TENM2: variants seen among roughly 807,000 people sequenced by gnomAD.
The protein encoded by TENM2 is teneurin transmembrane protein 2, also known as teneurin-2.
In TENM2, 52 loss-of-function variants were observed where a neutral mutation model predicts 245.2. The observed-to-expected ratio is 0.21, with a 90% CI of 0.17 to 0.27. The LOEUF is 0.27. Among genes scored for constraint, TENM2 ranks in the 10% least tolerant of loss-of-function variants. The probability of loss-of-function intolerance (pLI) is 1.00; values close to 1 mark genes in which losing one functional copy is unlikely to be tolerated. For missense variants in TENM2, 3,046 were observed against 3,666.8 expected (o/e 0.83, Z 4.37); for synonymous variants, 1,363 against 1,438.9 (o/e 0.95, Z 1.19).
At chr5:168,073,543 G>A (rs901738654) in intron 7 of TENM2, among the ~76,000 whole-genome samples, 3 of 152,206 alleles carry the variant, frequency 2.0e-5, no homozygotes, top group Admixed American at 1.3e-4. Flanking sequence ...CTCCGACAGA[G>A]CAAGAGTGAC....
chr5:167,070,873 G>A, the TENM2 span, among the ~76,000 whole-genome samples: 30,520 of 152,038 alleles, frequency 0.2, 4,297 homozygotes, highest in East Asian at 0.43. Flanking sequence ...ATTATATTAT[G>A]TAGAATAACT....
At chr5:167,513,400 G>T (rs1770103633) in intron 2 of TENM2, among the ~76,000 whole-genome samples, 1 of 152,120 alleles carries the variant, frequency 6.6e-6, no homozygotes, top group South Asian at 2.1e-4. Flanking sequence ...GCTGAAACTG[G>T]AGTAACGAAG....
At chr5:167,931,551 G>GAAAAAAAA (rs368486009) in intron 3 of TENM2, among the ~76,000 whole-genome samples, 12 of 110,292 alleles carry the variant, frequency 1.1e-4, no homozygotes, top group Middle Eastern at 4.8e-3. Context: ...AAACCCATTG[G>GAAAAAAAA]AAAAAAAAAA....
chr5:167,603,754 T>C (rs1391365373), intron 2 of TENM2, among the ~76,000 whole-genome samples: 2 of 152,186 alleles, frequency 1.3e-5, no homozygotes, highest in African/African-American at 4.8e-5. Flanking sequence ...AGTTGAACTT[T>C]CTCATCAGTG....
chr5:167,766,389 C>T (rs954601551), intron 2 of TENM2, among the ~76,000 whole-genome samples: 2 of 152,136 alleles, frequency 1.3e-5, no homozygotes, highest in Admixed American at 6.5e-5. Context: ...TCACACAGGG[C>T]ATTGTAGCCA....
At position 168,247,344 on chromosome 5, in the gene TENM2, C is replaced by G; in HGVS notation, c.6405C>G (p.Ile2135Met). 1 of 1,613,988 alleles carries G rather than the reference C, an allele frequency of 6.2e-7. No individual in the cohort carries two copies. Among genetic ancestry groups the G allele is most frequent in the Non-Finnish European group, 8.5e-7 (1 of 1,179,894 alleles). ...AACACTTTGGTAAGTTTGGAGTCAT[C>G]TATTATGACATCAACCAGATCATCA... The change falls in exon 27 of 29, where the codon ATC becomes ATG. Residue 2135 changes from isoleucine to methionine, a missense_variant. Around this residue, in one of 2 missense-constraint regions of TENM2, gnomAD observed 2,704 missense variants for 3,331.9 expected, o/e 0.81. Coordinates refer to ENST00000518659, the Ensembl canonical transcript of TENM2. This position sits in a 1 kb window ranked among gnomAD's most constrained non-coding sequence, Gnocchi z 7.8.
At chr5:167,334,250 G>C (rs373239780) in intron 1 of TENM2, among the ~76,000 whole-genome samples, 8 of 152,164 alleles carry the variant, frequency 5.3e-5, no homozygotes, top group African/African-American at 1.9e-4. Flanking sequence ...CTAGCCCAGA[G>C]TGTCTGCAAC....
the TENM2 span, among the ~76,000 whole-genome samples, chr5:167,021,454 G>T: frequency 2.6e-5 from 4 of 152,192 alleles, no homozygotes; most frequent in Admixed American, 6.5e-5. Context: ...AAAATTCACA[G>T]AACAACTCAT....
At chr5:167,707,057 A>ATCC (rs1758584315) in intron 2 of TENM2, among the ~76,000 whole-genome samples, 2 of 148,594 alleles carry the variant, frequency 1.3e-5, no homozygotes, top group South Asian at 4.3e-4. Flanking sequence ...CTTTCTCCAC[A>ATCC]TCCTCCTCAA....
intron 7 of TENM2, among the ~76,000 whole-genome samples, chr5:168,073,678 A>T (rs969941720): frequency 3.3e-5 from 5 of 152,214 alleles, no homozygotes; most frequent in Admixed American, 2.0e-4. Context: ...GCTATGGGTT[A>T]CCCTTCTAAC....
At chr5:167,584,159 A>G (rs777710169) in intron 2 of TENM2, among the ~76,000 whole-genome samples, 1 of 152,252 alleles carries the variant, frequency 6.6e-6, no homozygotes, top group African/African-American at 2.4e-5. Flanking sequence ...AAATAATTGG[A>G]TAAAATGCAC....
intron 13 of TENM2, among the ~76,000 whole-genome samples, chr5:168,169,187 T>C (rs1288282371): frequency 6.6e-6 from 1 of 152,170 alleles, no homozygotes; most frequent in Admixed American, 6.5e-5. Context: ...AAGGACTGGC[T>C]CTTCAGCTCG....
intron 2 of TENM2, among the ~76,000 whole-genome samples, chr5:167,409,545 G>A (rs1442887980): frequency 6.6e-6 from 1 of 151,836 alleles, no homozygotes; most frequent in Non-Finnish European, 1.5e-5. Context: ...AAAACAAAGA[G>A]AAACTCACAC....
the TENM2 span, among the ~76,000 whole-genome samples, chr5:167,108,272 C>T: frequency 9.2e-5 from 14 of 152,060 alleles, no homozygotes; most frequent in Non-Finnish European, 1.5e-4. Context: ...ATTACAGGAA[C>T]GGGCCACCAC....
At chr5:167,494,306 TA>T (rs906856136) in intron 2 of TENM2, among the ~76,000 whole-genome samples, 9 of 151,316 alleles carry the variant, frequency 5.9e-5, no homozygotes, top group East Asian at 1.9e-4. Context: ...AGAAAAGGTG[TA>T]AAAAAAAACT....
At chr5:167,586,553 C>A (rs1274870483) in intron 2 of TENM2, among the ~76,000 whole-genome samples, 1 of 152,228 alleles carries the variant, frequency 6.6e-6, no homozygotes, top group Non-Finnish European at 1.5e-5. Context: ...CTCACTCTCC[C>A]TTTCCTTCTC....
chr5:168,003,306 A>ACACACAC lies in TENM2; in HGVS notation c.1186+10124_1186+10125insCACACAC, dbSNP rs1562038456. Among the ~76,000 whole-genome samples the ACACACAC allele has an allele frequency of 1.4e-4, 13 of 90,590 alleles. No homozygotes were observed. The East Asian group carries it at 7.6e-3, about 53-fold the overall frequency. 59.4% of individuals were successfully genotyped at this position (90,590 alleles called of 152,430 possible). On this transcript the variant is annotated intron_variant, in intron 5 of 28. Coordinates refer to ENST00000518659, the Ensembl canonical transcript of TENM2. ...TAAAATTACAAAGTTTTTAAGAAAA[A>ACACACAC]ACACACACACACACACACACACACA...
exon 8 of TENM2, chr5:168,090,583 A>G: frequency 2.5e-6 from 4 of 1,612,714 alleles, no homozygotes; most frequent in Non-Finnish European, 3.4e-6. Context: ...GTATGACTTC[A>G]TGGAACGTCT....
At chr5:167,181,070 C>T in the TENM2 span, among the ~76,000 whole-genome samples, 6 of 151,870 alleles carry the variant, frequency 4.0e-5, no homozygotes, top group South Asian at 8.3e-4. Context: ...TTCTTTGTTA[C>T]GTAAGGGGAG....
Sources: gnomAD v4.1 joint callset for allele counts (sites outside exome capture counted in the v4.1 genomes callset) on GRCh38, gnomAD v4.1.1 for gene constraint, gnomAD v4.1.1 regional missense constraint, Gnocchi (gnomAD v3.1) non-coding constraint, MANE v1.5 for transcripts, NCBI Gene and HGNC (gene_info 2026-07-23, HGNC 2026-07-21) for gene names.